Variants in ZNF547 observed in about 807,000 individuals in gnomAD.
The protein encoded by ZNF547 is zinc finger protein 547.
Under a neutral mutation model 7.7 loss-of-function variants are expected in ZNF547, and 4 were observed. The observed-to-expected ratio is 0.52, with a 90% CI of 0.26 to 1.20. The LOEUF (loss-of-function observed/expected upper bound fraction) is 1.20, where lower values mean the gene tolerates loss of function less well. Among genes scored for constraint, ZNF547 ranks in the 50% most tolerant of loss-of-function variants. The pLI is 0.14. For synonymous variants in ZNF547, 166 were observed against 166.2 expected (o/e 1.00, Z 0.01); for missense variants, 449 against 485.8 (o/e 0.92, Z 0.71).
At chr19:57,368,404 G>C (rs2088484032) in intron 1 of ZNF547, 140 bp from the exon 2 acceptor site, 2 of 693,580 alleles carry the variant, frequency 2.9e-6, no homozygotes, top group Non-Finnish European at 5.1e-6. Context: ...AGAGCCAACA[G>C]TGAAGTCGGA....
chr19:57,371,688 A>T, intron 2 of ZNF547, 94 bp from the exon 3 acceptor site: 1 of 1,510,998 alleles, frequency 6.6e-7, no homozygotes, highest in East Asian at 2.3e-5. Flanking sequence ...CCCTGTGTTT[A>T]ATGGGTGGTA....
rs546140591 is a variant in ZNF547 at position 57,378,492 on chromosome 19, T to A, written c.*307T>A. The A allele has an allele frequency of 4.2e-5, 22 of 518,514 alleles. 1 individual carries two copies. The highest frequency in any genetic ancestry group is 1.1e-5 in the Non-Finnish European group (3 of 272,538). The allele number at this position is 518,514 out of a possible 1,614,324, so 32.1% of individuals were successfully genotyped here. ...CATGCAAGATTGTACTTATTGGGCT[T>A]CAGAATATCCACACTAGTGAAAGTC... On this transcript the variant is annotated 3_prime_UTR_variant, in exon 4 of 4. Coordinates refer to ENST00000282282, the MANE Select transcript of ZNF547 (RefSeq NM_173631.4).
At chr19:57,376,502 C>T (rs544194154) in intron 3 of ZNF547, among the ~76,000 whole-genome samples, 1 of 152,256 alleles carries the variant, frequency 6.6e-6, no homozygotes, top group African/African-American at 2.4e-5. Flanking sequence ...TTTTGCAGAG[C>T]TTATATACCT....
At chr19:57,365,171 C>T (rs775281617) in intron 1 of ZNF547, 1 of 1,593,838 alleles carries the variant, frequency 6.3e-7, no homozygotes, top group Non-Finnish European at 8.6e-7. Flanking sequence ...TCAATGAATC[C>T]ATTTTATGAA....
intron 3 of ZNF547, among the ~76,000 whole-genome samples, chr19:57,373,990 G>A (rs1431801057): frequency 6.6e-6 from 1 of 152,186 alleles, no homozygotes; most frequent in Non-Finnish European, 1.5e-5. Flanking sequence ...CCACTAGGTA[G>A]TACCCCAGTA....
At chr19:57,365,272 A>C (rs755845011) in intron 1 of ZNF547, 7 of 1,494,276 alleles carry the variant, frequency 4.7e-6, no homozygotes, top group Non-Finnish European at 6.4e-6. Context: ...GAAAATTCCA[A>C]AATAAATTAT....
chr19:57,372,449 G>A (rs538266340), intron 3 of ZNF547, among the ~76,000 whole-genome samples: 5 of 152,314 alleles, frequency 3.3e-5, no homozygotes, highest in Admixed American at 1.3e-4. Context: ...CTCACAGACT[G>A]TCACCTTAAG....
chr19:57,364,653 A>T, intron 1 of ZNF547: 1 of 616,828 alleles, frequency 1.6e-6, no homozygotes, highest in Admixed American at 2.8e-5. Context: ...AGGCAGGAGA[A>T]TTGCCTGAAC....
chr19:57,377,060 A>G, intron 3 of ZNF547, 68 bp from the exon 4 acceptor site: 1 of 1,469,888 alleles, frequency 6.8e-7, no homozygotes, highest in Non-Finnish European at 9.3e-7. Flanking sequence ...TCTGACTGAC[A>G]TTTGTGATGG....
rs2088558056 is a variant in ZNF547 at position 57,379,074 on chromosome 19, A to G, written c.*889A>G. The G allele has an allele frequency of 5.8e-6, 1 of 171,816 alleles. No individual in the cohort carries two copies. Among genetic ancestry groups the G allele is most frequent in the Admixed American group, 6.4e-5 (1 of 15,728 alleles). The allele number at this position is 171,816 out of a possible 1,614,324, so 10.6% of individuals were successfully genotyped here. On this transcript the variant is annotated 3_prime_UTR_variant, in exon 4 of 4. Coordinates refer to ENST00000282282, the MANE Select transcript of ZNF547 (RefSeq NM_173631.4). ...TTACCACATTTCCTTTATTTCTGACATCTATTCATGGACACTTGGGTTACT... is the reference window on the plus strand; with the variant it reads ...TTACCACATTTCCTTTATTTCTGACGTCTATTCATGGACACTTGGGTTACT...
At chr19:57,364,813 A>T (rs768593746) in intron 1 of ZNF547, 1 of 1,582,290 alleles carries the variant, frequency 6.3e-7, no homozygotes, top group East Asian at 2.3e-5. Context: ...CTCCCGCTGC[A>T]GGAGCCATAT....
intron 3 of ZNF547, among the ~76,000 whole-genome samples, chr19:57,376,421 T>G (rs1448243758): frequency 6.6e-6 from 1 of 151,842 alleles, no homozygotes; most frequent in Admixed American, 6.6e-5. Flanking sequence ...AAAAAGAGAG[T>G]TTTTATTTCT....
At position 57,377,696 on chromosome 19, in the gene ZNF547, T is replaced by A; in HGVS notation, c.720T>A (p.Tyr240Ter). Residue 240 changes from tyrosine (Y) to a stop codon, truncating the protein, a stop_gained, in exon 4 of 4, where the codon TAT becomes TAA. Transcript: ENST00000282282. LOFTEE classifies it low-confidence loss of function (END_TRUNC). ...CAATCCACTCTGGAGAAAGGCCTTA[T>A]GAGTGCAGTGAATGTGGGAAATTGT... ...HQTIHSGERP[Y>*]ECSECGKLFM... 1 of 1,612,604 alleles carries A rather than the reference T, an allele frequency of 6.2e-7. No homozygotes were observed. Among genetic ancestry groups the A allele is most frequent in the Admixed American group, 1.7e-5 (1 of 59,992 alleles).
rs1349159985 is a variant in ZNF547 at position 57,366,547 on chromosome 19, G to T, written c.-12-1997G>T. Among the ~76,000 whole-genome samples, 149 of 90,412 alleles carry T rather than the reference G, an allele frequency of 1.6e-3. 3 individuals are homozygous for T. Among genetic ancestry groups the T allele is most frequent in the Middle Eastern group, 7.0e-3 (1 of 142 alleles). 59.3% of individuals were successfully genotyped at this position (90,412 alleles called of 152,430 possible). Reference sequence around the variant, plus strand: ...TCGACTTGCCCAATTCAGATAAATTGTTTTTTTTTTTTTTTTTTTTGACGT... The same window carrying T: ...TCGACTTGCCCAATTCAGATAAATTTTTTTTTTTTTTTTTTTTTTTGACGT... On this transcript the variant is annotated intron_variant, in intron 1 of 3. Transcript: ENST00000282282.
intron 1 of ZNF547, chr19:57,364,043 G>T (rs987848343): frequency 3.8e-4 from 58 of 152,440 alleles, no homozygotes; most frequent in African/African-American, 1.3e-3. Context: ...AGTGGGAGGG[G>T]CAGGTCCAGA....
Position 57,377,524 on chromosome 19 carries a change from C to T in ZNF547, c.548C>T (p.Thr183Ile), listed in dbSNP as rs1446407096. 6.2e-7 allele frequency: 1 copy of T among 1,614,208 alleles called. No homozygotes were observed. The change falls in exon 4 of 4, where the codon ACT becomes ATT. Residue 183 changes from threonine to isoleucine, a missense_variant. Coordinates refer to ENST00000282282, the MANE Select transcript of ZNF547 (RefSeq NM_173631.4). ...DHQKIHTGER[T>I]YKCSKCGILF... ...CAGAAAATCCACACTGGAGAAAGAA[C>T]TTATAAGTGCAGCAAATGTGGGATA...
chr19:57,371,278 G>A lies in ZNF547; in HGVS notation c.25-504G>A, dbSNP rs1291529564. On this transcript the variant is annotated intron_variant, in intron 2 of 3. Coordinates refer to ENST00000282282, the MANE Select transcript of ZNF547 (RefSeq NM_173631.4). ...CCATGGAGTTTTAATTTATGGATGT[G>A]AGTGAGTGATGCCAGGGACAGGCCA... 2.6e-5 allele frequency among the ~76,000 whole-genome samples: 4 copies of A among 152,196 alleles called. No individual in the cohort carries two copies. The East Asian group carries it at 7.7e-4, about 29-fold the overall frequency.
chr19:57,375,722 G>A (rs1329694071), intron 3 of ZNF547, among the ~76,000 whole-genome samples: 1 of 149,116 alleles, frequency 6.7e-6, no homozygotes, highest in Non-Finnish European at 1.5e-5. Context: ...ATAAAGGAAA[G>A]AGGTTGAATT....
At chr19:57,374,946 C>T (rs2088527085) in intron 3 of ZNF547, among the ~76,000 whole-genome samples, 1 of 152,198 alleles carries the variant, frequency 6.6e-6, no homozygotes, top group African/African-American at 2.4e-5. Context: ...GTTCCAGCCT[C>T]TGCCTGTTAC....
Sources: allele counts gnomAD v4.1 joint callset (sites outside exome capture counted in the v4.1 genomes callset), GRCh38; gene constraint gnomAD v4.1.1; transcripts MANE v1.5; gene names NCBI Gene and HGNC (gene_info 2026-07-23, HGNC 2026-07-21).